CES5A: variants seen among roughly 807,000 people sequenced by gnomAD.
CES5A encodes the protein carboxylesterase 5.
Under a neutral mutation model 62.9 loss-of-function variants are expected in CES5A, and 67 were observed. The ratio of observed to expected loss-of-function variants is 1.07; its 90% confidence interval spans 0.88 to 1.31. The LOEUF (loss-of-function observed/expected upper bound fraction) is 1.31, where lower values mean the gene tolerates loss of function less well. Among genes scored for constraint, CES5A ranks in the 50% most tolerant of loss-of-function variants. CES5A has a pLI of 0.00. For missense variants in CES5A, 748 were observed against 708.5 expected, an observed-to-expected ratio of 1.06 and a Z score of -0.63; for synonymous variants, 296 against 280.8, an observed-to-expected ratio of 1.05 and a Z score of -0.54.
At chr16:55,955,749 TG>T in intron 1 of CES5A, 1 of 1,349,032 alleles carries the variant, frequency 7.4e-7, no homozygotes, top group South Asian at 1.3e-5. Context: ...CAAAGTTGGG[TG>T]GGTAAATTTG....
At chr16:55,883,008 G>A (rs1033786593) in intron 1 of CES5A, among the ~76,000 whole-genome samples, 35 of 152,188 alleles carry the variant, frequency 2.3e-4, no homozygotes, top group East Asian at 9.6e-4. Flanking sequence ...ATGTAGATGC[G>A]AATTGTTCTA....
At chr16:55,888,839 G>T (rs1173778414) in intron 1 of CES5A, among the ~76,000 whole-genome samples, 2 of 152,216 alleles carry the variant, frequency 1.3e-5, no homozygotes, top group East Asian at 3.8e-4. Context: ...CTAGATCTCT[G>T]TCTGACTCTA....
At chr16:55,889,536 C>A (rs1368771308) in intron 1 of CES5A, among the ~76,000 whole-genome samples, 1 of 152,142 alleles carries the variant, frequency 6.6e-6, no homozygotes, top group African/African-American at 2.4e-5. Context: ...GAAAGAGATG[C>A]ACAGAGCAAG....
At chr16:55,850,526 G>A (rs1427085444) in intron 10 of CES5A, among the ~76,000 whole-genome samples, 2 of 152,148 alleles carry the variant, frequency 1.3e-5, no homozygotes, top group Admixed American at 1.3e-4. Flanking sequence ...ATGTTTACAA[G>A]GCTCATCTGT....
intron 1 of CES5A, among the ~76,000 whole-genome samples, chr16:55,881,975 A>G (rs1432253897): frequency 1.3e-5 from 2 of 152,218 alleles, no homozygotes; most frequent in Non-Finnish European, 2.9e-5. Flanking sequence ...ACAATGGCTA[A>G]TAGGTCATGG....
intron 6 of CES5A, 139 bp from the exon 7 acceptor site, chr16:55,861,655 A>T: frequency 1.5e-6 from 1 of 678,122 alleles, no homozygotes; most frequent in South Asian, 1.6e-5. Context: ...CTAGACCCAC[A>T]CCCCTATAAT....
chr16:55,946,725 T>C (rs2034498532), intron 2 of CES5A, among the ~76,000 whole-genome samples: 1 of 152,194 alleles, frequency 6.6e-6, no homozygotes, highest in South Asian at 2.1e-4. Flanking sequence ...GCTTACAGCA[T>C]TCAGTTATTC....
chr16:55,935,753 T>C (rs1334438926), intron 2 of CES5A, among the ~76,000 whole-genome samples: 2 of 152,264 alleles, frequency 1.3e-5, no homozygotes, highest in African/African-American at 4.8e-5. Flanking sequence ...TGCATTCTTC[T>C]ATGAACTCTC....
intron 11 of CES5A, among the ~76,000 whole-genome samples, chr16:55,849,063 G>A: frequency 6.6e-6 from 1 of 152,180 alleles, no homozygotes; most frequent in Non-Finnish European, 1.5e-5. Context: ...GATAACTCCT[G>A]TGTGTAATCT....
intron 5 of CES5A, 61 bp downstream of exon 5, chr16:55,865,902 A>G (rs2033446562): frequency 3.8e-6 from 6 of 1,575,300 alleles, no homozygotes; most frequent in East Asian, 2.2e-5. Context: ...TTAGTGACTC[A>G]TCATCATTTT....
chr16:55,908,841 A>G (rs750665089), intron 1 of CES5A, among the ~76,000 whole-genome samples: 1 of 152,150 alleles, frequency 6.6e-6, no homozygotes, highest in Non-Finnish European at 1.5e-5. Flanking sequence ...AGGCCTCTCT[A>G]CTTTTCCACC....
At chr16:55,947,983 C>G (rs7194953) in intron 2 of CES5A, among the ~76,000 whole-genome samples, 45,801 of 151,748 alleles carry the variant, frequency 0.3, 7,159 homozygotes, top group Non-Finnish European at 0.33. Flanking sequence ...AGATCCTTTT[C>G]ACTGCTGTGT....
At chr16:55,916,500 A>G (rs1430324694) in intron 1 of CES5A, among the ~76,000 whole-genome samples, 2 of 152,224 alleles carry the variant, frequency 1.3e-5, no homozygotes, top group African/African-American at 4.8e-5. Context: ...GGAGTCAGCC[A>G]TGTCAGATTT....
At chr16:55,928,377 A>G (rs540691969), upstream of CES5A, among the ~76,000 whole-genome samples, 32 of 152,346 alleles carry the variant, frequency 2.1e-4, no homozygotes, top group African/African-American at 2.9e-4. Flanking sequence ...TGGCTTTGCA[A>G]AGGCATACAA....
chr16:55,864,109 C>T (rs1196367608), intron 5 of CES5A, among the ~76,000 whole-genome samples: 1 of 152,030 alleles, frequency 6.6e-6, no homozygotes, highest in Non-Finnish European at 1.5e-5. Context: ...AAATTTAGCC[C>T]GTATCACAAA....
In CES5A at chr16:55,949,651, T is replaced by G. The variant is rs2034533062; in HGVS notation, c.160+134A>C. The G allele has an allele frequency of 7.2e-6, 3 of 418,602 alleles. No homozygotes were observed. The South Asian group carries it at 2.1e-4, about 29-fold the overall frequency. 25.9% of individuals were successfully genotyped at this position (418,602 alleles called of 1,614,324 possible). A position where few individuals can be genotyped will look rare whatever the true frequency, so the allele number is the denominator to read the frequency against. ...AGAGGTGAGGCAGGATAAGAACATC[T>G]TGACAATGAAAATAAACACAAAGGG... On this transcript the variant is annotated intron_variant, in intron 2 of 13. Transcript: ENST00000521992.
At chr16:55,859,414 G>A in intron 8 of CES5A, 133 bp downstream of exon 8, 2 of 799,954 alleles carry the variant, frequency 2.5e-6, no homozygotes, top group African/African-American at 1.7e-5. Flanking sequence ...GAGTAAAGGT[G>A]ATCACTGTGT....
intron 1 of CES5A, among the ~76,000 whole-genome samples, chr16:55,891,539 C>T (rs1327969130): frequency 3.9e-5 from 6 of 152,138 alleles, no homozygotes; most frequent in Non-Finnish European, 2.9e-5. Context: ...GAAGCAAAGG[C>T]AGGACAACTC....
Position 55,854,371 on chromosome 16 carries a change from C to T in CES5A, c.1126-1343G>A, listed in dbSNP as rs528561382. On this transcript the variant is annotated intron_variant, in intron 9 of 12. Transcript: ENST00000290567. ...ACCTATGGCTTAGATCAATGAGCAT[C>T]TTCTCCATGAGGCCATCTCCAATCC... Among the ~76,000 whole-genome samples the T allele has an allele frequency of 4.6e-5, 7 of 152,002 alleles. No individual in the cohort carries two copies. The South Asian group carries it at 1.0e-3, about 23-fold the overall frequency.
Sources: gnomAD v4.1 joint callset for allele counts (sites outside exome capture counted in the v4.1 genomes callset) on GRCh38, gnomAD v4.1.1 for gene constraint, MANE v1.5 for transcripts, NCBI Gene and HGNC (gene_info 2026-07-23, HGNC 2026-07-21) for gene names.